CNTNAP5: variants seen among roughly 807,000 people sequenced by gnomAD.
CNTNAP5 encodes contactin-associated protein-like 5.
In CNTNAP5, 72 loss-of-function variants were observed where a neutral mutation model predicts 150.2. The ratio of observed to expected loss-of-function variants is 0.48; its 90% CI spans 0.40 to 0.58. The LOEUF (loss-of-function observed/expected upper bound fraction) is 0.58. Ranked by LOEUF, CNTNAP5 falls within the 20% of genes least tolerant of loss-of-function variation. The pLI is 0.00. For missense variants in CNTNAP5, 1,636 were observed against 1,626.2 expected (o/e 1.01, Z -0.10); for synonymous variants, 672 against 619.8 (o/e 1.08, Z -1.25).
intron 3 of CNTNAP5, among the ~76,000 whole-genome samples, chr2:124,255,450 G>C (rs1687283881): frequency 6.6e-6 from 1 of 151,738 alleles, no homozygotes; most frequent in African/African-American, 2.4e-5. Context: ...CTTGAACCAG[G>C]TAGGCAGAGG....
chr2:124,571,181 G>T (rs559759276), intron 11 of CNTNAP5, among the ~76,000 whole-genome samples: 1 of 152,258 alleles, frequency 6.6e-6, no homozygotes, highest in East Asian at 1.9e-4. Context: ...AGTCTAGTTT[G>T]GGGCACAGTA....
intron 3 of CNTNAP5, among the ~76,000 whole-genome samples, chr2:124,258,908 C>A (rs937517247): frequency 6.6e-6 from 1 of 151,568 alleles, no homozygotes; most frequent in Non-Finnish European, 1.5e-5. Context: ...GCACAACGTG[C>A]AGGTTTGTTA....
chr2:124,415,829 T>C (rs956132518), intron 3 of CNTNAP5, among the ~76,000 whole-genome samples: 8 of 152,162 alleles, frequency 5.3e-5, no homozygotes, highest in Non-Finnish European at 1.0e-4. Flanking sequence ...TTGGTTATAA[T>C]GATACATTTT....
intron 3 of CNTNAP5, among the ~76,000 whole-genome samples, chr2:124,415,519 T>C (rs1401495221): frequency 6.6e-6 from 1 of 152,236 alleles, no homozygotes; most frequent in Non-Finnish European, 1.5e-5. Flanking sequence ...ATGGATTTCA[T>C]TAAATAGACA....
At chr2:124,693,622 G>A (rs1300614029) in intron 13 of CNTNAP5, among the ~76,000 whole-genome samples, 1 of 151,988 alleles carries the variant, frequency 6.6e-6, no homozygotes, top group Non-Finnish European at 1.5e-5. Flanking sequence ...CTCTGTTCCT[G>A]ACGCCCCTGT....
intron 21 of CNTNAP5, among the ~76,000 whole-genome samples, chr2:124,873,840 A>G (rs2104730188): frequency 6.6e-6 from 1 of 152,218 alleles, no homozygotes; most frequent in Non-Finnish European, 1.5e-5. Context: ...AAGAAAACAT[A>G]CGTAGTAAAT....
intron 3 of CNTNAP5, among the ~76,000 whole-genome samples, chr2:124,408,313 G>A (rs1481091328): frequency 1.5e-4 from 22 of 151,656 alleles, no homozygotes; most frequent in African/African-American, 4.8e-4. Flanking sequence ...GGGGAGGGGC[G>A]CCCGCCATTG....
intron 21 of CNTNAP5, among the ~76,000 whole-genome samples, chr2:124,881,156 A>C (rs1677956451): frequency 6.6e-6 from 1 of 152,050 alleles, no homozygotes; most frequent in Non-Finnish European, 1.5e-5. Context: ...GAGAGCATGG[A>C]AAGGAGCTCT....
intron 1 of CNTNAP5, among the ~76,000 whole-genome samples, chr2:124,155,543 G>A (rs1267690715): frequency 1.3e-5 from 2 of 151,936 alleles, no homozygotes; most frequent in African/African-American, 2.4e-5. Flanking sequence ...GGAAAAAATA[G>A]GATTTACTAG....
intron 3 of CNTNAP5, among the ~76,000 whole-genome samples, chr2:124,397,286 A>G (rs1014976391): frequency 1.3e-5 from 2 of 152,162 alleles, no homozygotes; most frequent in African/African-American, 2.4e-5. Context: ...TATTTCCCAC[A>G]GTTCTGGAGG....
chr2:124,199,327 A>G (rs925669294), intron 1 of CNTNAP5, among the ~76,000 whole-genome samples: 4 of 146,296 alleles, frequency 2.7e-5, no homozygotes, highest in Non-Finnish European at 6.0e-5. Context: ...GAAAAAAATT[A>G]TTTCTATTTA....
At chr2:124,814,813 A>T (rs1162889283) in intron 19 of CNTNAP5, among the ~76,000 whole-genome samples, 1 of 152,216 alleles carries the variant, frequency 6.6e-6, no homozygotes, top group African/African-American at 2.4e-5. Flanking sequence ...ATTTTGATAG[A>T]TATTTTTCTT....
chr2:124,037,684 TG>T (rs1558733419), intron 1 of CNTNAP5, among the ~76,000 whole-genome samples: 1 of 152,018 alleles, frequency 6.6e-6, no homozygotes, highest in African/African-American at 2.4e-5. Context: ...GCTGTAGGTG[TG>T]GGGAGGGATG....
At chr2:124,374,153 T>C (rs1181328081) in intron 3 of CNTNAP5, among the ~76,000 whole-genome samples, 3 of 152,074 alleles carry the variant, frequency 2.0e-5, no homozygotes, top group East Asian at 1.9e-4. Flanking sequence ...TAAGTACAAA[T>C]TAAGTTAAAT....
chr2:124,563,879 A>G (rs1247082298), intron 11 of CNTNAP5, among the ~76,000 whole-genome samples: 2 of 152,236 alleles, frequency 1.3e-5, no homozygotes, highest in Non-Finnish European at 1.5e-5. Flanking sequence ...CAAAGCTTCT[A>G]CTTGGAAGTA....
intron 17 of CNTNAP5, among the ~76,000 whole-genome samples, chr2:124,773,758 T>TC (rs1372287603): frequency 6.6e-6 from 1 of 151,982 alleles, no homozygotes; most frequent in Non-Finnish European, 1.5e-5. Flanking sequence ...GAGTTTATAA[T>TC]CCTCTGGTGT....
intron 1 of CNTNAP5, among the ~76,000 whole-genome samples, chr2:124,193,896 C>T (rs1475617850): frequency 1.3e-5 from 2 of 152,192 alleles, no homozygotes; most frequent in Admixed American, 6.5e-5. Flanking sequence ...GGCTGCCAAA[C>T]CTCAGCCCTG....
At chr2:124,655,999 A>AAAGAAAGAAAGAAGGAAGG (rs1317556643) in intron 13 of CNTNAP5, among the ~76,000 whole-genome samples, 27 of 90,600 alleles carry the variant, frequency 3.0e-4, no homozygotes, top group African/African-American at 5.8e-4. Flanking sequence ...AAGAAAGAAA[A>AAAGAAAGAAAGAAGGAAGG]AAGGAAGGAA....
At chr2:124,789,604 GTCCAAGTGT>G (rs751463473) in intron 17 of CNTNAP5, among the ~76,000 whole-genome samples, 14 of 151,980 alleles carry the variant, frequency 9.2e-5, no homozygotes, top group Non-Finnish European at 1.6e-4. Flanking sequence ...CCCTCTTTGC[GTCCAAGTGT>G]TCTCATCATT....
Sources: gnomAD v4.1 joint callset for allele counts (sites outside exome capture counted in the v4.1 genomes callset) on GRCh38, gnomAD v4.1.1 for gene constraint, MANE v1.5 for transcripts, NCBI Gene and HGNC (gene_info 2026-07-23, HGNC 2026-07-21) for gene names.